The following CDH18 variants were observed in gnomAD, a reference collection of about 807,000 sequenced individuals.
CDH18 encodes cadherin-18.
In CDH18, 31 loss-of-function variants were observed where a neutral mutation model predicts 67.9. That is an observed-to-expected ratio of 0.46 (90% CI 0.34 to 0.62). The LOEUF (loss-of-function observed/expected upper bound fraction) is 0.62, where lower values mean the gene tolerates loss of function less well. Ranked by LOEUF, CDH18 falls within the 20% of genes least tolerant of loss-of-function variation. The probability of loss-of-function intolerance (pLI) is 0.01; values close to 1 mark genes in which losing one functional copy is unlikely to be tolerated. For synonymous variants in CDH18, 362 were observed against 347.2 expected (o/e 1.04, Z -0.48); for missense variants, 890 against 975.5 (o/e 0.91, Z 1.17).
At chr5:20,041,439 T>A (rs2150473146) in intron 2 of CDH18, among the ~76,000 whole-genome samples, 1 of 152,332 alleles carries the variant, frequency 6.6e-6, no homozygotes, top group East Asian at 1.9e-4. Context: ...TGTTAACTTC[T>A]CATACCACAT....
chr5:20,337,958 T>C (rs79995367), intron 1 of CDH18, among the ~76,000 whole-genome samples: 1,780 of 152,302 alleles, frequency 0.012, 24 homozygotes, highest in Non-Finnish European at 0.018. Flanking sequence ...AAGTCTTACA[T>C]GGATGGCAGT....
chr5:19,719,645 C>T (rs929166339), intron 5 of CDH18, among the ~76,000 whole-genome samples: 1 of 151,862 alleles, frequency 6.6e-6, no homozygotes, highest in East Asian at 1.9e-4. Context: ...TTGGAACCAA[C>T]AGAACCTGCA....
intron 2 of CDH18, among the ~76,000 whole-genome samples, chr5:20,014,044 A>C (rs1344180632): frequency 6.6e-6 from 1 of 152,138 alleles, no homozygotes; most frequent in Non-Finnish European, 1.5e-5. Context: ...CCAATGACAG[A>C]ATATTTACCA....
intron 2 of CDH18, among the ~76,000 whole-genome samples, chr5:20,091,681 C>A (rs1363592447): frequency 4.0e-5 from 6 of 151,812 alleles, no homozygotes; most frequent in African/African-American, 9.7e-5. Flanking sequence ...CATTATTATT[C>A]TTCTTATAAA....
rs1315939927 is a variant in CDH18, at chr5:19,994,919, G to A, written c.-517-2905C>T. On this transcript the variant is annotated intron_variant, in intron 2 of 14. Coordinates refer to the CDH18 transcript ENST00000507958. The stretch of plus-strand genomic sequence containing the variant: ...ATAGAGAAAAAGCTCATGCAATTAC[G>A]GAGGCTAAGAGGTCCCATGATCTGC... Among the ~76,000 whole-genome samples, 10 of 138,490 alleles carry A rather than the reference G, an allele frequency of 7.2e-5. No individual in the cohort carries two copies. The East Asian group carries it at 8.6e-4, about 12-fold the overall frequency. The allele number at this position is 138,490 out of a possible 152,430, so 90.9% of individuals were successfully genotyped here.
Position 20,280,476 on chromosome 5 carries a change from C to T in CDH18, c.-579-24971G>A, listed in dbSNP as rs368292489. On this transcript the variant is annotated intron_variant, in intron 1 of 14. Transcript: ENST00000507958. ...ATGCGGTGTTTGCTTTTTGCCCTTG[C>T]GATAGTTTGCTGAGAATGATGGTTT... 2.2e-4 allele frequency among the ~76,000 whole-genome samples: 34 copies of T among 152,184 alleles called. 1 individual carries two copies. The East Asian group carries it at 3.1e-3, about 14-fold the overall frequency.
At chr5:20,218,311 A>T (rs1387046723) in intron 2 of CDH18, among the ~76,000 whole-genome samples, 1 of 152,038 alleles carries the variant, frequency 6.6e-6, no homozygotes, top group Non-Finnish European at 1.5e-5. Context: ...AAATAATTTC[A>T]ACTATCTTCT....
At chr5:19,716,472 T>C (rs1765360046) in intron 5 of CDH18, among the ~76,000 whole-genome samples, 1 of 152,200 alleles carries the variant, frequency 6.6e-6, no homozygotes, top group South Asian at 2.1e-4. Flanking sequence ...AGTTTCTTCA[T>C]GATATTTATA....
chr5:20,227,456 C>A (rs1741721664), intron 2 of CDH18, among the ~76,000 whole-genome samples: 1 of 152,070 alleles, frequency 6.6e-6, no homozygotes, highest in African/African-American at 2.4e-5. Flanking sequence ...AATAATCAAT[C>A]ATCACCCAAC....
At chr5:19,753,018 A>G (rs1202850535) in intron 3 of CDH18, among the ~76,000 whole-genome samples, 1 of 152,214 alleles carries the variant, frequency 6.6e-6, no homozygotes, top group African/African-American at 2.4e-5. Flanking sequence ...ATGTGAAAAA[A>G]GAATCTAACC....
At chr5:19,879,242 A>C (rs1190831996) in intron 2 of CDH18, among the ~76,000 whole-genome samples, 1 of 151,964 alleles carries the variant, frequency 6.6e-6, no homozygotes, top group Non-Finnish European at 1.5e-5. Flanking sequence ...GAATGCCCTA[A>C]GTGATTGAAA....
chr5:19,686,826 A>T (rs1160978488), intron 5 of CDH18, among the ~76,000 whole-genome samples: 1 of 152,200 alleles, frequency 6.6e-6, no homozygotes, highest in Non-Finnish European at 1.5e-5. Context: ...CCCAACCAAA[A>T]AAAAATAAAA....
chr5:19,834,491 A>AT (rs1257895620), intron 3 of CDH18, among the ~76,000 whole-genome samples: 3 of 151,222 alleles, frequency 2.0e-5, no homozygotes, highest in East Asian at 1.9e-4. Context: ...GGATTCACTG[A>AT]TTTTTTGGAG....
At chr5:19,584,359 A>G (rs78614759) in intron 7 of CDH18, among the ~76,000 whole-genome samples, 25 of 152,286 alleles carry the variant, frequency 1.6e-4, no homozygotes, top group Middle Eastern at 3.4e-3. Context: ...GCTGATTTCT[A>G]TCTGTGAGGA....
intron 2 of CDH18, among the ~76,000 whole-genome samples, chr5:20,246,950 G>A (rs2940456): frequency 0.7 from 106,580 of 152,004 alleles, 38,033 homozygotes; most frequent in African/African-American, 0.85. Flanking sequence ...CCCATGATAG[G>A]TTAATCAGCT....
intron 5 of CDH18, among the ~76,000 whole-genome samples, chr5:19,683,126 T>TATCTATCC (rs1196688923): frequency 3.3e-5 from 5 of 151,578 alleles, no homozygotes; most frequent in African/African-American, 4.9e-5. Context: ...TCTATCTATC[T>TATCTATCC]AGACTTTAAA....
chr5:19,634,566 CTTA>C (rs2150194329), intron 5 of CDH18, among the ~76,000 whole-genome samples: 1 of 152,238 alleles, frequency 6.6e-6, no homozygotes, highest in South Asian at 2.1e-4. Flanking sequence ...TAGCATTTTT[CTTA>C]TTGTTTTATG....
intron 2 of CDH18, among the ~76,000 whole-genome samples, chr5:20,214,781 GC>G (rs1394964559): frequency 6.6e-6 from 1 of 152,040 alleles, no homozygotes; most frequent in African/African-American, 2.4e-5. Flanking sequence ...GTAGGAATGG[GC>G]AAAGGTTTCC....
chr5:20,038,214 T>A (rs1432769777), intron 2 of CDH18, among the ~76,000 whole-genome samples: 1 of 151,986 alleles, frequency 6.6e-6, no homozygotes, highest in African/African-American at 2.4e-5. Context: ...ATGAATAGCC[T>A]ACAAACCAAA....
Sources: gnomAD v4.1 joint callset for allele counts (sites outside exome capture counted in the v4.1 genomes callset) on GRCh38, gnomAD v4.1.1 for gene constraint, MANE v1.5 for transcripts, NCBI Gene and HGNC (gene_info 2026-07-23, HGNC 2026-07-21) for gene names.